The following ADGRG7 variants were observed in gnomAD, a reference collection of about 807,000 sequenced individuals.
ADGRG7 encodes G-protein coupled receptor 128.
A neutral mutation model predicts 88.6 loss-of-function variants in ADGRG7; 82 were observed. The ratio of observed to expected loss-of-function variants is 0.93; its 90% CI spans 0.77 to 1.11. The LOEUF (loss-of-function observed/expected upper bound fraction) is 1.11. ADGRG7 is among the 50% of genes most tolerant of loss of function. The probability of loss-of-function intolerance (pLI) is 0.00; values close to 1 mark genes in which losing one functional copy is unlikely to be tolerated. For missense variants in ADGRG7, 945 were observed against 953.4 expected (o/e 0.99, Z 0.12); for synonymous variants, 381 against 345.2 (o/e 1.10, Z -1.15).
intron 4 of ADGRG7, among the ~76,000 whole-genome samples, chr3:100,634,589 C>T (rs1362448267): frequency 1.3e-5 from 2 of 152,102 alleles, no homozygotes; most frequent in African/African-American, 4.8e-5. Flanking sequence ...GCTCCCTAAT[C>T]ACAGATGGGC....
In ADGRG7 at chr3:100,655,956, A is replaced by G. The variant is rs774889102; in HGVS notation, c.1784A>G (p.Asn595Ser). Residue 595 changes from asparagine (N) to serine (S), a missense_variant, in exon 13 of 16, where the codon AAT becomes AGT. Physicochemically the swap from Asn to Ser is conservative, Grantham distance 46. Coordinates refer to ENST00000273352, the MANE Select transcript of ADGRG7 (RefSeq NM_032787.3). ...TVGVIYSQNG[N>S]NPQWELDYRQ... ...GGAGTTATTTATTCTCAGAATGGAA[A>G]TAATCCACAGTGGGAATTAGACTAC... The G allele has an allele frequency of 2.5e-6, 4 of 1,610,268 alleles. No homozygotes were observed. The Admixed American group carries it at 6.7e-5, about 27-fold the overall frequency.
At chr3:100,619,585 C>CA (rs1248464433) in intron 1 of ADGRG7, among the ~76,000 whole-genome samples, 1 of 151,942 alleles carries the variant, frequency 6.6e-6, no homozygotes, top group Admixed American at 6.6e-5. Context: ...AATAAAGACA[C>CA]AAAAAACCCT....
chr3:100,640,339 AGCTACT>A (rs1449679227), intron 6 of ADGRG7, among the ~76,000 whole-genome samples: 2 of 152,120 alleles, frequency 1.3e-5, no homozygotes, highest in African/African-American at 4.8e-5. Flanking sequence ...GGTATCTCTC[AGCTACT>A]GAATTGCCTT....
At position 100,646,519 on chromosome 3, in the gene ADGRG7, C is replaced by G. The variant is rs757211468; in HGVS notation, c.1111-50C>G. 4 of 1,463,068 alleles carry G rather than the reference C, an allele frequency of 2.7e-6. No individual in the cohort carries two copies. In the African/African-American group the frequency reaches 5.7e-5, roughly 21 times the overall value. The allele number at this position is 1,463,068 out of a possible 1,614,324, so 90.6% of individuals were successfully genotyped here. On this transcript the variant is annotated intron_variant, in intron 9 of 15. Coordinates refer to ENST00000273352, the MANE Select transcript of ADGRG7 (RefSeq NM_032787.3). ...CTTATACTACTTGATTTTTTTTAAC[C>G]CAATTAAGTATTTAGAAACAGTAAT... is the stretch of plus-strand genomic sequence containing the variant.
intron 1 of ADGRG7, among the ~76,000 whole-genome samples, chr3:100,618,008 T>A (rs1157013413): frequency 3.3e-5 from 5 of 152,218 alleles, no homozygotes; most frequent in Non-Finnish European, 5.9e-5. Flanking sequence ...GCTGCATAAA[T>A]GTCTTCTGTC....
At chr3:100,692,590 G>T (rs143087450) in intron 15 of ADGRG7, among the ~76,000 whole-genome samples, 1 of 152,108 alleles carries the variant, frequency 6.6e-6, no homozygotes, top group Non-Finnish European at 1.5e-5. Context: ...ATTGAGTATC[G>T]CAATGTGGCA....
In ADGRG7 at chr3:100,635,855, T is replaced by A. The variant is rs183117613; in HGVS notation, c.597+29T>A. 1.3e-3 allele frequency: 1,910 copies of A among 1,489,000 alleles called. 10 individuals carry two copies. Among genetic ancestry groups the A allele is most frequent in the East Asian group, 5.5e-3 (225 of 40,950 alleles). The allele number at this position is 1,489,000 out of a possible 1,614,324, so 92.2% of individuals were successfully genotyped here. A position where few individuals can be genotyped will look rare whatever the true frequency, so the allele number is the denominator to read the frequency against. The stretch of plus-strand genomic sequence containing the variant: ...AAACTCACAGAGCTTTAAAAAAAAT[T>A]TTTTTTTTATTTTTAGAGGGGGTGT... On this transcript the variant is annotated intron_variant, in intron 5 of 15. Transcript: ENST00000273352.
chr3:100,667,813 G>T (rs1273408632), intron 14 of ADGRG7, among the ~76,000 whole-genome samples: 1 of 151,892 alleles, frequency 6.6e-6, no homozygotes, highest in Non-Finnish European at 1.5e-5. Flanking sequence ...AGTGTTTCAG[G>T]TGCTACCAGG....
intron 1 of ADGRG7, among the ~76,000 whole-genome samples, chr3:100,622,411 C>G (rs1005957324): frequency 3.3e-5 from 5 of 151,796 alleles, no homozygotes; most frequent in African/African-American, 1.2e-4. Context: ...TATGGAGTCT[C>G]TATTCTATTC....
intron 15 of ADGRG7, among the ~76,000 whole-genome samples, chr3:100,690,162 G>T (rs535683111): frequency 6.6e-6 from 1 of 152,056 alleles, no homozygotes; most frequent in Admixed American, 6.5e-5. Flanking sequence ...CCAGTTGATC[G>T]CATCAGCTAC....
chr3:100,616,931 A>T (rs1707234448), intron 1 of ADGRG7, among the ~76,000 whole-genome samples: 1 of 152,182 alleles, frequency 6.6e-6, no homozygotes, highest in Non-Finnish European at 1.5e-5. Flanking sequence ...ATATAAAGAG[A>T]TGTTAACAAT....
intron 15 of ADGRG7, among the ~76,000 whole-genome samples, chr3:100,689,251 T>C (rs542629956): frequency 6.6e-6 from 1 of 152,332 alleles, no homozygotes; most frequent in African/African-American, 2.4e-5. Flanking sequence ...TCCATCCCTT[T>C]ATTTTGAGCC....
Position 100,649,804 on chromosome 3 carries a change from CCAGGT to C in ADGRG7, c.1377_1379+2del. ...CTCACAGTTATATTTCAGATTGTCA[CCAGGT>C]AAGAGCAGAAGCAGGCTCTTTTCAG... On this transcript the variant is annotated splice_donor_variant and coding_sequence_variant, in exon 11 of 16. Transcript: ENST00000273352. LOFTEE classifies it high-confidence loss of function. 6.4e-7 allele frequency: 1 copy of C among 1,561,330 alleles called. No homozygotes were observed. Among genetic ancestry groups the C allele is most frequent in the Non-Finnish European group, 8.8e-7 (1 of 1,134,044 alleles).
chr3:100,653,923 G>A (rs755821126), intron 11 of ADGRG7, among the ~76,000 whole-genome samples: 1 of 152,058 alleles, frequency 6.6e-6, no homozygotes, highest in Non-Finnish European at 1.5e-5. Context: ...TTCTTGTCAC[G>A]CGACTATGAA....
intron 15 of ADGRG7, among the ~76,000 whole-genome samples, chr3:100,686,254 C>A (rs1409791634): frequency 6.6e-6 from 1 of 151,984 alleles, no homozygotes. Flanking sequence ...TGTTTGAGTT[C>A]ATTATAGATT....
At chr3:100,688,915 C>T (rs1451939891) in intron 15 of ADGRG7, among the ~76,000 whole-genome samples, 1 of 152,172 alleles carries the variant, frequency 6.6e-6, no homozygotes, top group Non-Finnish European at 1.5e-5. Flanking sequence ...GAGCCGCGTT[C>T]AATTCCTGGA....
At position 100,663,431 on chromosome 3, in the gene ADGRG7, A is replaced by G. The variant is rs1279573583; in HGVS notation, c.1979+3588A>G. On this transcript the variant is annotated intron_variant, in intron 14 of 15. Transcript: ENST00000273352. ...CAAAATACCTGTTTAAAGAATTCTT[A>G]AACTTCCTGGGTGGGTTTTCTCTCT... Among the ~76,000 whole-genome samples, 3 of 152,062 alleles carry G rather than the reference A, an allele frequency of 2.0e-5. No individual in the cohort carries two copies. The East Asian group carries it at 5.8e-4, about 29-fold the overall frequency.
chr3:100,686,043 C>G (rs1385794976), intron 15 of ADGRG7, among the ~76,000 whole-genome samples: 1 of 151,310 alleles, frequency 6.6e-6, no homozygotes, highest in East Asian at 2.0e-4. Flanking sequence ...CCTGTTGTTT[C>G]CTGACTTTTT....
chr3:100,613,794 C>T (rs16842395), intron 1 of ADGRG7, among the ~76,000 whole-genome samples: 2,336 of 152,122 alleles, frequency 0.015, 49 homozygotes, highest in African/African-American at 0.052. Context: ...ATGACACAAA[C>T]GTTGACGATC....
Sources: gnomAD v4.1 joint callset for allele counts (sites outside exome capture counted in the v4.1 genomes callset) on GRCh38, gnomAD v4.1.1 for gene constraint, MANE v1.5 for transcripts, NCBI Gene and HGNC (gene_info 2026-07-23, HGNC 2026-07-21) for gene names.